The following CPSF4 variants were observed in gnomAD, a reference collection of about 807,000 sequenced individuals.
The protein encoded by CPSF4 is cleavage and polyadenylation specific factor 4.
A neutral mutation model predicts 37.7 loss-of-function variants in CPSF4; 11 were observed. The ratio of observed to expected loss-of-function variants is 0.29; its 90% CI spans 0.18 to 0.48. CPSF4 has a LOEUF of 0.48. Among genes scored for constraint, CPSF4 ranks in the 20% least tolerant of loss-of-function variants. The pLI, the probability that CPSF4 is intolerant of heterozygous loss-of-function variation, is 0.99. For missense variants in CPSF4, 144 were observed against 359.5 expected, an observed-to-expected ratio of 0.40 and a Z score of 4.85; for synonymous variants, 132 against 135.9, an observed-to-expected ratio of 0.97 and a Z score of 0.20.
At position 99,456,750 on chromosome 7, in the gene CPSF4, T is replaced by A. The variant is rs117609208; in HGVS notation, c.*250T>A. 526 of 564,252 alleles carry A rather than the reference T, an allele frequency of 9.3e-4. 4 individuals are homozygous for A. In the East Asian group the frequency reaches 0.016, roughly 17 times the overall value. The allele number at this position is 564,252 out of a possible 1,614,324, so 35.0% of individuals were successfully genotyped here. A position where few individuals can be genotyped will look rare whatever the true frequency, so the allele number is the denominator to read the frequency against. On this transcript the variant is annotated 3_prime_UTR_variant, in exon 8 of 8. Coordinates refer to ENST00000292476, the MANE Select transcript of CPSF4 (RefSeq NM_006693.4). ...TGGCTGGGCATCGATGCCTCCTTTC[T>A]GGGACTCCCGGCACAACTCCCCTCA...
chr7:99,445,839 G>T (rs527303670), intron 2 of CPSF4, among the ~76,000 whole-genome samples: 1 of 151,932 alleles, frequency 6.6e-6, no homozygotes, highest in Admixed American at 6.6e-5. Context: ...AGCCAAGATC[G>T]CACCACTGCA....
Position 99,456,482 on chromosome 7 carries a change from C to G in CPSF4, c.792C>G (p.Ala264=). Residue 264 remains alanine (A), a synonymous_variant, in exon 8 of 8, where the codon GCC becomes GCG. Transcript: ENST00000292476. ...ACAGATGCACCAAAGGGCACTTGGC[C>G]TTTCTCAGTGGACAGTGACAGCAGC... ...YANRCTKGHL[A]FLSGQ is the part of the protein sequence containing the mutation. 1 of 1,614,160 alleles carries G rather than the reference C, an allele frequency of 6.2e-7. No homozygotes were observed. The highest frequency in any genetic ancestry group is 8.5e-7 in the Non-Finnish European group (1 of 1,180,038).
chr7:99,446,604 CTT>C (rs765309712), intron 2 of CPSF4, among the ~76,000 whole-genome samples: 19 of 140,694 alleles, frequency 1.4e-4, no homozygotes, highest in Non-Finnish European at 1.7e-4. Context: ...TTGGTCTTTC[CTT>C]TTTTTTTTTT....
Position 99,446,761 on chromosome 7 carries a change from C to G in CPSF4, c.155-1360C>G, listed in dbSNP as rs1377961115. ...TAGCCAGGACTACAGGTGTACACCA[C>G]CATACCCAGCTTTTTTTTTTTTTTT... On this transcript the variant is annotated intron_variant, in intron 2 of 7. Transcript: ENST00000292476. Among the ~76,000 whole-genome samples the G allele has an allele frequency of 2.3e-5, 3 of 131,470 alleles. No individual in the cohort carries two copies. In the Admixed American group the frequency reaches 2.3e-4, roughly 10 times the overall value. The allele number at this position is 131,470 out of a possible 152,430, so 86.2% of individuals were successfully genotyped here. A position where few individuals can be genotyped will look rare whatever the true frequency, so the allele number is the denominator to read the frequency against.
rs45518537 is a variant in CPSF4 at position 99,451,000 on chromosome 7, G to A, written c.497+205G>A. ...GCAGGTGGCTCTGCCTAGACCAGGAGCTGATCTTTCTTGGGTCATGGGCCA... is the reference window on the plus strand; with the variant it reads ...GCAGGTGGCTCTGCCTAGACCAGGAACTGATCTTTCTTGGGTCATGGGCCA... On this transcript the variant is annotated intron_variant, in intron 5 of 7. Coordinates refer to ENST00000292476, the MANE Select transcript of CPSF4 (RefSeq NM_006693.4). The A allele has an allele frequency of 4.2e-3, 2,347 of 558,726 alleles. 25 individuals are homozygous for A. The highest frequency in any genetic ancestry group is 0.037 in the African/African-American group (1,948 of 53,292). The allele number at this position is 558,726 out of a possible 1,614,324, so 34.6% of individuals were successfully genotyped here.
At chr7:99,449,656 G>C (rs1408035420) in intron 3 of CPSF4, among the ~76,000 whole-genome samples, 2 of 152,238 alleles carry the variant, frequency 1.3e-5, no homozygotes, top group Non-Finnish European at 2.9e-5. Context: ...GTGGTCCAGG[G>C]AAAGAGGTAG....
chr7:99,454,344 G>T (rs1007876935), intron 7 of CPSF4, among the ~76,000 whole-genome samples: 1 of 152,268 alleles, frequency 6.6e-6, no homozygotes, highest in African/African-American at 2.4e-5. Context: ...CACGGTAAAG[G>T]ATGGTGAGAA....
chr7:99,443,013 G>A, intron 1 of CPSF4: 1 of 1,467,496 alleles, frequency 6.8e-7, no homozygotes, highest in Non-Finnish European at 9.6e-7. Context: ...ATCATCTTCA[G>A]ACTTTCTGGA....
rs79141932 is a variant in CPSF4, at chr7:99,454,555, C to G, written c.741+419C>G. Among the ~76,000 whole-genome samples the G allele has an allele frequency of 2.0e-3, 300 of 152,272 alleles. 1 individual carries two copies. Among genetic ancestry groups the G allele is most frequent in the Non-Finnish European group, 3.4e-3 (229 of 68,006 alleles). ...GCACCCCTGTCCCCATCCCCTCCCC[C>G]AGTACATAAAATGGGACTCAGGAAG... On this transcript the variant is annotated intron_variant, in intron 7 of 7. Transcript: ENST00000292476.
intron 5 of CPSF4, 36 bp from the exon 6 acceptor site, chr7:99,452,332 C>T (rs773633692): frequency 6.3e-7 from 1 of 1,585,550 alleles, no homozygotes; most frequent in South Asian, 1.1e-5. Context: ...CCCACTCCTT[C>T]TCTTGTTCTC....
chr7:99,440,674 A>ATATATATATATTTTTTTTTT, intron 1 of CPSF4, among the ~76,000 whole-genome samples: 59 of 88,038 alleles, frequency 6.7e-4, no homozygotes, highest in Admixed American at 3.5e-3. Flanking sequence ...ATATATATAT[A>ATATATATATATTTTTTTTTT]TTTTTTTTTT....
chr7:99,454,099 G>A lies in CPSF4; in HGVS notation c.704G>A (p.Arg235Gln), dbSNP rs1322830874. 2.5e-6 allele frequency: 4 copies of A among 1,613,874 alleles called. No homozygotes were observed. The highest frequency in any genetic ancestry group is 1.1e-5 in the South Asian group (1 of 91,060). Residue 235 changes from arginine to glutamine, a missense_variant, in exon 7 of 8, where the codon CGG (arginine) becomes CAG (glutamine). Around this residue, in one of 4 missense-constraint regions of CPSF4, gnomAD observed 86 missense variants for 141.5 expected, o/e 0.61. Transcript: ENST00000292476. The stretch of plus-strand genomic sequence containing the variant: ...AGTCAAAACAGCAGCGCGGGCAACC[G>A]GGGACCCCGGCCACTGGAGCAGGTC... ...MQSQNSSAGN[R>Q]GPRPLEQVTC...
chr7:99,440,675 T>TATATA (rs1491236759), intron 1 of CPSF4, among the ~76,000 whole-genome samples: 27 of 74,848 alleles, frequency 3.6e-4, no homozygotes, highest in South Asian at 1.9e-3. Flanking sequence ...TATATATATA[T>TATATA]TTTTTTTTTT....
intron 2 of CPSF4, 192 bp from the exon 3 acceptor site, chr7:99,447,929 T>C: frequency 1.6e-6 from 1 of 627,538 alleles, no homozygotes; most frequent in Non-Finnish European, 2.9e-6. Flanking sequence ...TATTAAAATG[T>C]AAAATGTCTG....
rs1256994348 is a variant in CPSF4, at chr7:99,442,672, AAAAC to A, written c.104-2113_104-2110del. ...CTCCGTCTCAAAAAAAAAAAAAAAA[AAAAC>A]AAAAAACAAGCAATATAATCAAAAA... On this transcript the variant is annotated intron_variant, in intron 1 of 7. Coordinates refer to ENST00000292476, the MANE Select transcript of CPSF4 (RefSeq NM_006693.4). Among the ~76,000 whole-genome samples, 9 of 151,352 alleles carry A rather than the reference AAAAC, an allele frequency of 5.9e-5. No individual in the cohort carries two copies. The East Asian group carries it at 7.9e-4, about 13-fold the overall frequency.
At chr7:99,445,828 G>A (rs929848099) in intron 2 of CPSF4, among the ~76,000 whole-genome samples, 1 of 152,108 alleles carries the variant, frequency 6.6e-6, no homozygotes, top group Non-Finnish European at 1.5e-5. Context: ...AGGTTGTAGT[G>A]AGCCAAGATC....
chr7:99,443,219 T>C lies in CPSF4; in HGVS notation c.104-1570T>C, dbSNP rs1239031251. The C allele has an allele frequency of 7.7e-6, 6 of 777,944 alleles. No homozygotes were observed. The Admixed American group carries it at 1.0e-4, about 13-fold the overall frequency. 48.2% of individuals were successfully genotyped at this position (777,944 alleles called of 1,614,324 possible). Reference sequence around the variant, plus strand: ...CCCTCTTCTGCATTCTCTCAGCCTGTGGTATTTCAGATGTAATTTTCACCA... The same window carrying C: ...CCCTCTTCTGCATTCTCTCAGCCTGCGGTATTTCAGATGTAATTTTCACCA... On this transcript the variant is annotated intron_variant, in intron 1 of 7. Coordinates refer to ENST00000292476, the MANE Select transcript of CPSF4 (RefSeq NM_006693.4).
intron 3 of CPSF4, among the ~76,000 whole-genome samples, chr7:99,449,835 T>A (rs1444301639): frequency 6.6e-6 from 1 of 152,052 alleles, no homozygotes; most frequent in African/African-American, 2.4e-5. Flanking sequence ...GGGACCCATG[T>A]GGCTGGGGGG....
chr7:99,443,270 A>G (rs1797182287), intron 1 of CPSF4: 3 of 777,980 alleles, frequency 3.9e-6, no homozygotes, highest in East Asian at 4.9e-5. Flanking sequence ...CCACATCAAC[A>G]GTTTTTTTCA....
Sources: gnomAD v4.1 joint callset for allele counts (sites outside exome capture counted in the v4.1 genomes callset) on GRCh38, gnomAD v4.1.1 for gene constraint, gnomAD v4.1.1 regional missense constraint, MANE v1.5 for transcripts, NCBI Gene and HGNC (gene_info 2026-07-23, HGNC 2026-07-21) for gene names.